The following PCDHA8 variants were observed in gnomAD, a reference collection of about 807,000 sequenced individuals.
The protein encoded by PCDHA8 is protocadherin alpha 8, also known as protocadherin alpha-8.
A neutral mutation model predicts 61.8 loss-of-function variants in PCDHA8; 53 were observed. That is an observed-to-expected ratio of 0.86 (90% CI 0.69 to 1.08). The LOEUF is 1.08. PCDHA8 is among the 50% of genes least tolerant of loss of function. The probability of loss-of-function intolerance (pLI) is 0.00; values close to 1 mark genes in which losing one functional copy is unlikely to be tolerated. For missense variants in PCDHA8, 1,293 were observed against 1,245.0 expected, an observed-to-expected ratio of 1.04 and a Z score of -0.58; for synonymous variants, 618 against 556.6, an observed-to-expected ratio of 1.11 and a Z score of -1.55.
At chr5:140,869,843 A>C in intron 1 of PCDHA8, 1 of 1,611,638 alleles carries the variant, frequency 6.2e-7, no homozygotes, top group East Asian at 2.2e-5. Context: ...AAATCAGAAT[A>C]TAAGGTGAGC....
At position 141,010,023 on chromosome 5, in the gene PCDHA8, C is replaced by T. The variant is rs1196328903; in HGVS notation, c.*86C>T. Reference sequence around the variant, plus strand: ...TGTAGCAATTCCCTGCTCCTTTTTCCTATCTACATGAGCCCTCTTAGAGAC... The same window carrying T: ...TGTAGCAATTCCCTGCTCCTTTTTCTTATCTACATGAGCCCTCTTAGAGAC... On this transcript the variant is annotated 3_prime_UTR_variant, in exon 4 of 4. Transcript: ENST00000531613. 10 of 1,571,304 alleles carry T rather than the reference C, an allele frequency of 6.4e-6. No homozygotes were observed. Among genetic ancestry groups the T allele is most frequent in the Non-Finnish European group, 8.6e-6 (10 of 1,163,016 alleles).
At chr5:140,906,995 C>T (rs1177237804) in intron 1 of PCDHA8, among the ~76,000 whole-genome samples, 1 of 152,164 alleles carries the variant, frequency 6.6e-6, no homozygotes, top group Non-Finnish European at 1.5e-5. Flanking sequence ...GCATTCCTCC[C>T]TCTGGAACTA....
In PCDHA8 at chr5:140,884,801, A is replaced by AT. The variant is rs2060359948; in HGVS notation, c.2394+41086_2394+41087insT. 5 of 1,250,206 alleles carry AT rather than the reference A, an allele frequency of 4.0e-6. No individual in the cohort carries two copies. In the South Asian group the frequency reaches 8.8e-5, roughly 22 times the overall value. 77.4% of individuals were successfully genotyped at this position (1,250,206 alleles called of 1,614,324 possible). A position where few individuals can be genotyped will look rare whatever the true frequency, so the allele number is the denominator to read the frequency against. On this transcript the variant is annotated intron_variant, in intron 1 of 3. Coordinates refer to ENST00000531613, the MANE Select transcript of PCDHA8 (RefSeq NM_018911.3). ...TTTGCTAGTTGTTATCGAATTTAACAACTCTGCTGTGGACATTATGTGTTG... is the reference window on the plus strand; with the variant it reads ...TTTGCTAGTTGTTATCGAATTTAACATACTCTGCTGTGGACATTATGTGTTG...
At chr5:140,962,803 T>C (rs2095709614) in intron 1 of PCDHA8, among the ~76,000 whole-genome samples, 1 of 152,240 alleles carries the variant, frequency 6.6e-6, no homozygotes. Context: ...TGGACAACTC[T>C]AAACATCAGA....
At chr5:140,881,441 CAGA>C (rs782795888) in intron 1 of PCDHA8, 70 of 829,276 alleles carry the variant, frequency 8.4e-5, no homozygotes, top group Non-Finnish European at 1.0e-4. Context: ...TTTATAAAAA[CAGA>C]ATCCAAAACC....
At position 140,857,279 on chromosome 5, in the gene PCDHA8, G is replaced by A. The variant is rs782434219; in HGVS notation, c.2394+13564G>A. 6 of 1,598,610 alleles carry A rather than the reference G, an allele frequency of 3.8e-6. No homozygotes were observed. Among genetic ancestry groups the A allele is most frequent in the Admixed American group, 1.7e-5 (1 of 59,324 alleles). Reference sequence around the variant, plus strand: ...TTACTACTCATTGGTGCTGGACAGCGCTCTGGACCGCGAGAGGGTGTCGGC... The same window carrying A: ...TTACTACTCATTGGTGCTGGACAGCACTCTGGACCGCGAGAGGGTGTCGGC... On this transcript the variant is annotated intron_variant, in intron 1 of 3. Coordinates refer to ENST00000531613, the MANE Select transcript of PCDHA8 (RefSeq NM_018911.3).
At chr5:140,867,314 G>A (rs2049881742) in intron 1 of PCDHA8, 1 of 151,958 alleles carries the variant, frequency 6.6e-6, no homozygotes, top group Admixed American at 6.6e-5. Flanking sequence ...ACTGTCATCT[G>A]GTCTAATGTT....
In PCDHA8 at chr5:140,853,235, T is replaced by C. The variant is rs2150529918; in HGVS notation, c.2394+9520T>C. Reference sequence around the variant, plus strand: ...TTGATGGGATTGGTAATTTAGTCCTTCATATTAATCTCTATTCTCTCTCAG... The same window carrying C: ...TTGATGGGATTGGTAATTTAGTCCTCCATATTAATCTCTATTCTCTCTCAG... On this transcript the variant is annotated intron_variant, in intron 1 of 3. Coordinates refer to ENST00000531613, the MANE Select transcript of PCDHA8 (RefSeq NM_018911.3). 4 of 980,668 alleles carry C rather than the reference T, an allele frequency of 4.1e-6. No individual in the cohort carries two copies. In the East Asian group the frequency reaches 4.6e-4, roughly 112 times the overall value. The allele number at this position is 980,668 out of a possible 1,614,324, so 60.7% of individuals were successfully genotyped here. A position where few individuals can be genotyped will look rare whatever the true frequency, so the allele number is the denominator to read the frequency against.
rs73263815 is a variant in PCDHA8, at chr5:140,853,554, A to T, written c.2394+9839A>T. ...TCTTTTCAAGTTGTAATTACTATAT[A>T]GGAAAAACTAAGTTGTCACCCAATA... On this transcript the variant is annotated intron_variant, in intron 1 of 3. Transcript: ENST00000531613. 9,092 of 979,494 alleles carry T rather than the reference A, an allele frequency of 9.3e-3. 1,045 individuals carry two copies. In the African/African-American group the frequency reaches 0.15, roughly 16 times the overall value. The allele number at this position is 979,494 out of a possible 1,614,324, so 60.7% of individuals were successfully genotyped here.
chr5:140,915,876 G>A (rs1373834228), intron 1 of PCDHA8, among the ~76,000 whole-genome samples: 1 of 152,136 alleles, frequency 6.6e-6, no homozygotes, highest in East Asian at 1.9e-4. Context: ...CTTCCCTTTA[G>A]GGTAGCAAGT....
chr5:141,006,425 G>A (rs1483231288), intron 3 of PCDHA8, among the ~76,000 whole-genome samples: 2 of 152,080 alleles, frequency 1.3e-5, no homozygotes, highest in African/African-American at 4.8e-5. Context: ...GTGTTAGCCA[G>A]GATGGTCTCA....
intron 1 of PCDHA8, chr5:140,870,622 G>A (rs377101052): frequency 6.2e-7 from 1 of 1,613,120 alleles, no homozygotes; most frequent in Admixed American, 1.7e-5. Flanking sequence ...GTCGAGCTAC[G>A]TGTCGGTGCA....
chr5:140,966,862 G>T (rs782810195), intron 1 of PCDHA8: 1 of 1,562,198 alleles, frequency 6.4e-7, no homozygotes. Context: ...TGCTGCTGTT[G>T]CTGCTGCTGC....
At chr5:140,891,494 C>T (rs548491891) in intron 1 of PCDHA8, among the ~76,000 whole-genome samples, 1 of 151,678 alleles carries the variant, frequency 6.6e-6, no homozygotes, top group South Asian at 2.1e-4. Flanking sequence ...TGAGCATATC[C>T]TCAGCTATAA....
chr5:140,911,778 A>G (rs2075636196), intron 1 of PCDHA8, among the ~76,000 whole-genome samples: 1 of 152,228 alleles, frequency 6.6e-6, no homozygotes, highest in Admixed American at 6.5e-5. Flanking sequence ...TACAGTCCTT[A>G]GCATTTTTGG....
intron 1 of PCDHA8, chr5:140,870,840 A>G (rs1554164745): frequency 1.9e-6 from 3 of 1,613,712 alleles, no homozygotes; most frequent in Admixed American, 3.3e-5. Context: ...TTAACAAGCT[A>G]GTACCGCGGT....
chr5:140,920,927 A>G (rs1350465462), intron 1 of PCDHA8, among the ~76,000 whole-genome samples: 1 of 151,716 alleles, frequency 6.6e-6, no homozygotes, highest in East Asian at 1.9e-4. Context: ...AGAGTAGGTG[A>G]TCTAGCCCTT....
In PCDHA8 at chr5:140,924,907, AAAATAAAAT is replaced by A. The variant is rs1563068988; in HGVS notation, c.2395-54038_2395-54030del. 7.1e-4 allele frequency among the ~76,000 whole-genome samples: 36 copies of A among 50,968 alleles called. 1 individual carries two copies. The highest frequency in any genetic ancestry group is 1.7e-3 in the African/African-American group (12 of 7,266). The allele number at this position is 50,968 out of a possible 152,430, so 33.4% of individuals were successfully genotyped here. ...AAGAACCTGTCTCAAAAAAAAAAAT[AAAATAAAAT>A]AAAATAAAATAAAATAAAATAAAAA... On this transcript the variant is annotated intron_variant, in intron 1 of 3. Transcript: ENST00000531613.
intron 1 of PCDHA8, chr5:140,876,434 A>G (rs2056340599): frequency 1.2e-6 from 2 of 1,613,976 alleles, no homozygotes; most frequent in Non-Finnish European, 1.7e-6. Flanking sequence ...ATTCAGGTTA[A>G]CGCCATTGAT....
Sources: gnomAD v4.1 joint callset for allele counts (sites outside exome capture counted in the v4.1 genomes callset) on GRCh38, gnomAD v4.1.1 for gene constraint, MANE v1.5 for transcripts, NCBI Gene and HGNC (gene_info 2026-07-23, HGNC 2026-07-21) for gene names.